Variants in CHN2 observed in about 807,000 individuals in gnomAD.
The protein encoded by CHN2 is chimerin 2, also known as beta-chimaerin.
CHN2 carries 35 observed loss-of-function variants against 56.3 expected under a neutral mutation model. The observed-to-expected ratio is 0.62, with a 90% CI of 0.47 to 0.82. The LOEUF is 0.82. CHN2 is among the 40% of genes least tolerant of loss of function. The pLI is 0.00. For missense variants in CHN2, 491 were observed against 580.5 expected, an observed-to-expected ratio of 0.85 and a Z score of 1.58; for synonymous variants, 210 against 212.8, an observed-to-expected ratio of 0.99 and a Z score of 0.12.
At chr7:29,364,776 A>T (rs1230611631) in intron 2 of CHN2, among the ~76,000 whole-genome samples, 1 of 152,208 alleles carries the variant, frequency 6.6e-6, no homozygotes, top group South Asian at 2.1e-4. Flanking sequence ...TAAGCAATAC[A>T]TATGATTCAA....
At chr7:29,197,198 G>T (rs770912641) in intron 1 of CHN2, among the ~76,000 whole-genome samples, 1 of 152,148 alleles carries the variant, frequency 6.6e-6, no homozygotes, top group Non-Finnish European at 1.5e-5. Flanking sequence ...AGGGCACTCC[G>T]TCAATGTATT....
chr7:29,348,253 C>G (rs779233625), intron 1 of CHN2, among the ~76,000 whole-genome samples: 4 of 152,096 alleles, frequency 2.6e-5, no homozygotes, highest in Non-Finnish European at 4.4e-5. Context: ...TTTGTTTTCC[C>G]TCAAAGACCA....
At chr7:29,471,980 T>A (rs974961713) in intron 6 of CHN2, among the ~76,000 whole-genome samples, 1 of 152,074 alleles carries the variant, frequency 6.6e-6, no homozygotes, top group Admixed American at 6.6e-5. Flanking sequence ...AAACAAAGAA[T>A]ATAACAAACA....
chr7:29,285,188 G>C (rs955216819), intron 1 of CHN2, among the ~76,000 whole-genome samples: 1 of 152,180 alleles, frequency 6.6e-6, no homozygotes, highest in Non-Finnish European at 1.5e-5. Flanking sequence ...CTGACACCTT[G>C]TTCCTTTGGA....
chr7:29,426,861 C>T (rs896335329), intron 6 of CHN2, among the ~76,000 whole-genome samples: 1 of 152,140 alleles, frequency 6.6e-6, no homozygotes, highest in African/African-American at 2.4e-5. Flanking sequence ...TGCTGGCTGT[C>T]CGCTGGGGAC....
intron 1 of CHN2, among the ~76,000 whole-genome samples, chr7:29,217,809 G>A (rs1232769014): frequency 6.6e-6 from 1 of 152,052 alleles, no homozygotes; most frequent in Admixed American, 6.6e-5. Context: ...ATCATCCCTT[G>A]GGCAGCAGGT....
intron 1 of CHN2, among the ~76,000 whole-genome samples, chr7:29,284,555 G>C (rs535759577): frequency 6.6e-6 from 1 of 152,250 alleles, no homozygotes; most frequent in Non-Finnish European, 1.5e-5. Flanking sequence ...AGGTTGCTCA[G>C]AGTGGTCCCT....
chr7:29,282,614 A>G (rs1791813547), intron 1 of CHN2, among the ~76,000 whole-genome samples: 1 of 152,248 alleles, frequency 6.6e-6, no homozygotes, highest in Admixed American at 6.5e-5. Flanking sequence ...AATTATTTTG[A>G]AAGATAAAAC....
intron 2 of CHN2, among the ~76,000 whole-genome samples, chr7:29,182,060 G>A (rs1028493786): frequency 1.1e-4 from 17 of 152,108 alleles, no homozygotes; most frequent in Non-Finnish European, 1.8e-4. Context: ...TCAGTGCTCT[G>A]AAAGATGGAA....
intron 1 of CHN2, among the ~76,000 whole-genome samples, chr7:29,204,614 C>T (rs245924): frequency 6.6e-6 from 1 of 151,892 alleles, no homozygotes; most frequent in Non-Finnish European, 1.5e-5. Flanking sequence ...TGGTTGGGGT[C>T]CTGGTTAGCT....
intron 1 of CHN2, chr7:29,195,331 G>C: frequency 3.3e-6 from 1 of 302,180 alleles, no homozygotes. Flanking sequence ...GGGCGGAGAA[G>C]GTTGGGGTGA....
intron 1 of CHN2, among the ~76,000 whole-genome samples, chr7:29,300,803 A>G (rs1046490061): frequency 1.4e-4 from 22 of 152,184 alleles, no homozygotes; most frequent in African/African-American, 5.1e-4. Flanking sequence ...CCTAGTCTTC[A>G]CCCCCATTTA....
intron 1 of CHN2, among the ~76,000 whole-genome samples, chr7:29,338,314 C>T (rs538850040): frequency 6.6e-6 from 1 of 152,082 alleles, no homozygotes; most frequent in African/African-American, 2.4e-5. Flanking sequence ...ATAAGAGTAC[C>T]CACCTCATAG....
Position 29,480,366 on chromosome 7 carries a change from C to A in CHN2, c.654+10C>A. 1 of 1,612,248 alleles carries A rather than the reference C, an allele frequency of 6.2e-7. No homozygotes were observed. The highest frequency in any genetic ancestry group is 2.2e-5 in the East Asian group (1 of 44,864). On this transcript the variant is annotated intron_variant, in intron 7 of 12. Coordinates refer to ENST00000222792, the MANE Select transcript of CHN2 (RefSeq NM_004067.4). Reference sequence around the variant, plus strand: ...GACACACAACTTTAAGGTAAGCAAGCCTCTGCATTCCTTCTTCTGTTACAA... The same window carrying A: ...GACACACAACTTTAAGGTAAGCAAGACTCTGCATTCCTTCTTCTGTTACAA...
intron 6 of CHN2, among the ~76,000 whole-genome samples, chr7:29,444,989 G>C (rs1008680393): frequency 6.6e-6 from 1 of 152,192 alleles, no homozygotes; most frequent in Admixed American, 6.5e-5. Flanking sequence ...GTTTATTCTG[G>C]ATCTGAAGCC....
intron 2 of CHN2, chr7:29,148,449 A>G (rs573694600): frequency 2.6e-5 from 4 of 152,338 alleles, no homozygotes; most frequent in South Asian, 2.1e-4. Flanking sequence ...ATTTAACACT[A>G]TTTATCTCTG....
At chr7:29,442,319 C>A (rs956668897) in intron 6 of CHN2, among the ~76,000 whole-genome samples, 2 of 152,094 alleles carry the variant, frequency 1.3e-5, no homozygotes, top group Non-Finnish European at 2.9e-5. Context: ...TTACAGTGGC[C>A]TAAAAGCTAT....
rs751685864 is a variant in CHN2, at chr7:29,367,983, G to A, written c.140G>A (p.Arg47Gln). The change falls in exon 3 of 13, where the codon CGG (arginine) becomes CAG (glutamine). Residue 47 changes from arginine (R) to glutamine (Q), a missense_variant. Coordinates refer to ENST00000222792, the MANE Select transcript of CHN2 (RefSeq NM_004067.4). ...APRPKRIICP[R>Q]EVENRPKYYG... ...CGTCCCAAGAGAATCATTTGTCCTC[G>A]GGAGGTCAGTGCTCAGCTATTTCCA... is the stretch of plus-strand genomic sequence containing the variant. 26 of 1,609,738 alleles carry A rather than the reference G, an allele frequency of 1.6e-5. No homozygotes were observed. Among genetic ancestry groups the A allele is most frequent in the Middle Eastern group, 1.6e-4 (1 of 6,074 alleles).
At chr7:29,158,638 T>G (rs1322739155) in intron 2 of CHN2, among the ~76,000 whole-genome samples, 1 of 151,670 alleles carries the variant, frequency 6.6e-6, no homozygotes, top group Non-Finnish European at 1.5e-5. Flanking sequence ...AATAGGTGAA[T>G]TATGCATTTC....
Sources: allele counts gnomAD v4.1 joint callset (sites outside exome capture counted in the v4.1 genomes callset), GRCh38; gene constraint gnomAD v4.1.1; transcripts MANE v1.5; gene names NCBI Gene and HGNC (gene_info 2026-07-23, HGNC 2026-07-21).